CPAMD8: variants seen among roughly 807,000 people sequenced by gnomAD.
CPAMD8 encodes C3 and PZP-like alpha-2-macroglobulin domain-containing protein 8.
A neutral mutation model predicts 224.7 loss-of-function variants in CPAMD8; 146 were observed. The ratio of observed to expected loss-of-function variants is 0.65; its 90% CI spans 0.57 to 0.75. The LOEUF (loss-of-function observed/expected upper bound fraction) is 0.75, where lower values mean the gene tolerates loss of function less well. Among genes scored for constraint, CPAMD8 ranks in the 30% least tolerant of loss-of-function variants. CPAMD8 has a pLI of 0.00. For missense variants in CPAMD8, 2,301 were observed against 2,537.5 expected, an observed-to-expected ratio of 0.91 and a Z score of 2.00; for synonymous variants, 966 against 1,044.6, an observed-to-expected ratio of 0.92 and a Z score of 1.45.
chr19:16,920,577 C>G (rs3859574), intron 27 of CPAMD8, among the ~76,000 whole-genome samples: 2 of 151,628 alleles, frequency 1.3e-5, no homozygotes, highest in Admixed American at 6.6e-5. Flanking sequence ...GTGTCTAGGC[C>G]GGGCACGGTG....
At chr19:16,951,040 C>T (rs535460673) in intron 20 of CPAMD8, among the ~76,000 whole-genome samples, 1 of 152,236 alleles carries the variant, frequency 6.6e-6, no homozygotes, top group East Asian at 1.9e-4. Context: ...TCACTGCACA[C>T]CTCTGGCAGA....
chr19:17,010,071 G>C (rs960420834), intron 5 of CPAMD8, among the ~76,000 whole-genome samples: 7 of 152,114 alleles, frequency 4.6e-5, no homozygotes, highest in Non-Finnish European at 7.3e-5. Context: ...CAAATTAAAG[G>C]AGACCAAGAG....
At chr19:16,937,305 T>TTTGTTTGC (rs760622308) in intron 23 of CPAMD8, among the ~76,000 whole-genome samples, 5 of 148,062 alleles carry the variant, frequency 3.4e-5, no homozygotes, top group African/African-American at 5.0e-5. Context: ...TGGCTAAGTT[T>TTTGTTTGC]TTGTTTGCTT....
intron 3 of CPAMD8, among the ~76,000 whole-genome samples, chr19:17,014,000 T>TTCCCTCCC (rs371949668): frequency 1.6e-5 from 2 of 126,816 alleles, no homozygotes; most frequent in Non-Finnish European, 3.4e-5. Flanking sequence ...TACACATTCC[T>TTCCCTCCC]TCCCTCCCTC....
rs918868292 is a variant in CPAMD8, at chr19:16,989,539, G to A, written c.1395+104C>T. 40 of 1,401,282 alleles carry A rather than the reference G, an allele frequency of 2.9e-5. No individual in the cohort carries two copies. The Middle Eastern group carries it at 1.0e-3, about 36-fold the overall frequency. The allele number at this position is 1,401,282 out of a possible 1,614,324, so 86.8% of individuals were successfully genotyped here. A position where few individuals can be genotyped will look rare whatever the true frequency, so the allele number is the denominator to read the frequency against. On this transcript the variant is annotated intron_variant, in intron 13 of 41. Coordinates refer to ENST00000443236, the MANE Select transcript of CPAMD8 (RefSeq NM_015692.5). ...TAACCTCCAGTGATCCGCCTGCCTC[G>A]GCCTCCCAAAATGCTGGGATTACAG...
At chr19:17,018,139 G>C (rs538819203) in intron 3 of CPAMD8, among the ~76,000 whole-genome samples, 4 of 152,000 alleles carry the variant, frequency 2.6e-5, no homozygotes, top group Admixed American at 6.6e-5. Flanking sequence ...CTGATCAATG[G>C]AGATGGGCGC....
intron 29 of CPAMD8, among the ~76,000 whole-genome samples, chr19:16,909,499 G>T (rs941832500): frequency 6.6e-6 from 1 of 152,024 alleles, no homozygotes; most frequent in Non-Finnish European, 1.5e-5. Flanking sequence ...AGCCGAGATC[G>T]CGCCACTGTA....
At chr19:17,012,941 G>A (rs2056701340) in intron 3 of CPAMD8, among the ~76,000 whole-genome samples, 1 of 152,006 alleles carries the variant, frequency 6.6e-6, no homozygotes, top group South Asian at 2.1e-4. Context: ...CAGCACTTTG[G>A]GGAGGCTGGG....
chr19:16,951,235 C>A (rs1208578629), intron 20 of CPAMD8, among the ~76,000 whole-genome samples: 1 of 152,124 alleles, frequency 6.6e-6, no homozygotes, highest in Non-Finnish European at 1.5e-5. Context: ...TCTCTGTTCA[C>A]CACCAGGATT....
intron 23 of CPAMD8, among the ~76,000 whole-genome samples, chr19:16,935,183 C>T (rs968124808): frequency 9.9e-5 from 15 of 152,172 alleles, no homozygotes; most frequent in Non-Finnish European, 2.9e-5. Flanking sequence ...CCGTTTCCCC[C>T]TCTCCCCATG....
Position 16,893,200 on chromosome 19 carries a change from C to G in CPAMD8, c.5566G>C (p.Gly1856Arg). The G allele has an allele frequency of 6.3e-7, 1 of 1,596,934 alleles. No individual in the cohort carries two copies. Among genetic ancestry groups the G allele is most frequent in the Non-Finnish European group, 8.6e-7 (1 of 1,169,468 alleles). ...SGRVVGAHRP[G>R]LLSPVFVYSP... ...TAGACGAAGACAGGGCTCAGAAGCC[C>G]TGGCCTGTGGGCCCCCACCACCCGG... is the stretch of plus-strand genomic sequence containing the variant. Residue 1856 changes from glycine to arginine, a missense_variant, in exon 42 of 42, where the codon GGG becomes CGG. Physicochemically the swap from Gly to Arg is moderately radical, Grantham distance 125 (BLOSUM62 -2). Coordinates refer to ENST00000443236, the MANE Select transcript of CPAMD8 (RefSeq NM_015692.5).
chr19:17,011,340 A>T (rs2056642612), intron 5 of CPAMD8, 124 bp downstream of exon 5: 2 of 1,144,850 alleles, frequency 1.7e-6, no homozygotes, highest in Admixed American at 2.1e-5. Flanking sequence ...GGGACATGAA[A>T]CAACCATGAA....
chr19:16,904,833 T>TC (rs2052407839), intron 30 of CPAMD8, among the ~76,000 whole-genome samples: 1 of 152,234 alleles, frequency 6.6e-6, no homozygotes, highest in South Asian at 2.1e-4. Context: ...AAGGCCACCT[T>TC]CCCCTTCCTG....
chr19:16,929,337 G>A (rs769671248), intron 23 of CPAMD8, 97 bp from the exon 24 acceptor site: 9 of 987,348 alleles, frequency 9.1e-6, no homozygotes, highest in African/African-American at 1.6e-5. Flanking sequence ...ACCACAAGGA[G>A]TGGGTCTCAC....
chr19:17,024,256 T>C (rs560799986), intron 1 of CPAMD8, among the ~76,000 whole-genome samples: 11 of 152,318 alleles, frequency 7.2e-5, no homozygotes, highest in Admixed American at 2.6e-4. Context: ...CCTGTGATCA[T>C]AGTGTGCTAC....
rs761874286 is a variant in CPAMD8, at chr19:16,945,691, T to C, written c.2663-12A>G. On this transcript the variant is annotated splice_polypyrimidine_tract_variant and intron_variant, in intron 21 of 41. Coordinates refer to ENST00000443236, the MANE Select transcript of CPAMD8 (RefSeq NM_015692.5). ...AGCAAGGGCTTTGGCTGCAGAAATT[T>C]GATGTCTTGGTCTCAGAACAGGTCT... 52 of 1,613,784 alleles carry C rather than the reference T, an allele frequency of 3.2e-5. No homozygotes were observed. Among genetic ancestry groups the C allele is most frequent in the Non-Finnish European group, 4.3e-5 (51 of 1,179,792 alleles).
chr19:16,893,032 G>C lies in CPAMD8; in HGVS notation c.*76C>G. The C allele has an allele frequency of 2.6e-6, 2 of 783,526 alleles. No individual in the cohort carries two copies. Among genetic ancestry groups the C allele is most frequent in the Admixed American group, 1.7e-5 (1 of 58,774 alleles). The allele number at this position is 783,526 out of a possible 1,614,324, so 48.5% of individuals were successfully genotyped here. A position where few individuals can be genotyped will look rare whatever the true frequency, so the allele number is the denominator to read the frequency against. On this transcript the variant is annotated 3_prime_UTR_variant, in exon 42 of 42. Coordinates refer to ENST00000443236, the MANE Select transcript of CPAMD8 (RefSeq NM_015692.5). ...AGAGTTTTCTGAGATGTTAACCACA[G>C]GCACAAGCTGGGTGTGTGGGTATGA...
chr19:17,021,986 T>G, intron 2 of CPAMD8, 44 bp downstream of exon 2: 1 of 1,530,198 alleles, frequency 6.5e-7, no homozygotes, highest in Non-Finnish European at 8.8e-7. Context: ...GGCTCCACTT[T>G]GCAAAAGAAG....
chr19:16,974,233 G>A (rs568926672), intron 17 of CPAMD8, among the ~76,000 whole-genome samples: 1 of 151,910 alleles, frequency 6.6e-6, no homozygotes, highest in Non-Finnish European at 1.5e-5. Flanking sequence ...CCAGGTTCAC[G>A]CCATTCTCCT....
Sources: allele counts gnomAD v4.1 joint callset (sites outside exome capture counted in the v4.1 genomes callset), GRCh38; gene constraint gnomAD v4.1.1; transcripts MANE v1.5; gene names NCBI Gene and HGNC (gene_info 2026-07-23, HGNC 2026-07-21).